The following MAP2K6 variants were observed in gnomAD, a reference collection of about 807,000 sequenced individuals.
The protein encoded by MAP2K6 is dual specificity mitogen-activated protein kinase kinase 6.
Under a neutral mutation model 53.7 loss-of-function variants are expected in MAP2K6, and 16 were observed. The ratio of observed to expected loss-of-function variants is 0.30; its 90% CI spans 0.20 to 0.45. The LOEUF (loss-of-function observed/expected upper bound fraction) is 0.45, where lower values mean the gene tolerates loss of function less well. MAP2K6 is among the 20% of genes least tolerant of loss of function. The probability of loss-of-function intolerance (pLI) is 1.00; values close to 1 mark genes in which losing one functional copy is unlikely to be tolerated. For missense variants in MAP2K6, 204 were observed against 411.9 expected, an observed-to-expected ratio of 0.50 and a Z score of 4.37; for synonymous variants, 132 against 143.1, an observed-to-expected ratio of 0.92 and a Z score of 0.55.
intron 1 of MAP2K6, among the ~76,000 whole-genome samples, chr17:69,436,913 C>A (rs990294059): frequency 6.6e-6 from 1 of 152,016 alleles, no homozygotes; most frequent in Non-Finnish European, 1.5e-5. Context: ...CAACCTCCAT[C>A]TCCCAGGTTC....
intron 1 of MAP2K6, among the ~76,000 whole-genome samples, chr17:69,475,602 C>G (rs1292658052): frequency 6.6e-6 from 1 of 152,226 alleles, no homozygotes; most frequent in African/African-American, 2.4e-5. Flanking sequence ...CTTCAGAAGT[C>G]TTATGTTGCC....
At chr17:69,500,766 G>A (rs12937795) in intron 1 of MAP2K6, among the ~76,000 whole-genome samples, 11,241 of 126,964 alleles carry the variant, frequency 0.089, 1,219 homozygotes, top group African/African-American at 0.26. Flanking sequence ...AAAAAAAAAA[G>A]AAAAAAAAAA....
rs1056700410 is a variant in MAP2K6 at position 69,431,592 on chromosome 17, G to A, written c.16+16592G>A. Among the ~76,000 whole-genome samples, 8 of 152,284 alleles carry A rather than the reference G, an allele frequency of 5.3e-5. No homozygotes were observed. In the South Asian group the frequency reaches 1.7e-3, roughly 32 times the overall value. The stretch of plus-strand genomic sequence containing the variant: ...AGTCTGCGTTAAGGAGAATTTCATG[G>A]AGTCCAGTTGCAGGAGGTATAGCTA... On this transcript the variant is annotated intron_variant, in intron 1 of 11. Transcript: ENST00000590474.
rs73363641 is a variant in MAP2K6, at chr17:69,482,315, A to G, written c.17-23465A>G. On this transcript the variant is annotated intron_variant, in intron 1 of 11. Coordinates refer to ENST00000590474, the MANE Select transcript of MAP2K6 (RefSeq NM_002758.4). The stretch of plus-strand genomic sequence containing the variant: ...GGTATGTGATTTATTATTTTTTTAA[A>G]CTTAGTTTTCTGAATAGGTACTATA... Among the ~76,000 whole-genome samples, 623 of 152,088 alleles carry G rather than the reference A, an allele frequency of 4.1e-3. 1 individual carries two copies. The highest frequency in any genetic ancestry group is 0.013 in the African/African-American group (545 of 41,534).
intron 1 of MAP2K6, among the ~76,000 whole-genome samples, chr17:69,479,240 A>G (rs1263006823): frequency 6.6e-6 from 1 of 151,904 alleles, no homozygotes; most frequent in Admixed American, 6.6e-5. Flanking sequence ...TCTTAGCCCT[A>G]GTTCATGGCC....
chr17:69,432,956 G>C (rs1465455453), intron 1 of MAP2K6: 1 of 152,206 alleles, frequency 6.6e-6, no homozygotes, highest in Non-Finnish European at 1.5e-5. Flanking sequence ...CACTGGAACA[G>C]TAAAAAGGGC....
chr17:69,474,044 T>C (rs1908060280), intron 1 of MAP2K6, among the ~76,000 whole-genome samples: 2 of 152,286 alleles, frequency 1.3e-5, no homozygotes, highest in South Asian at 4.1e-4. Context: ...AGAGTAAACA[T>C]CAGTTAATTT....
At chr17:69,506,136 T>C (rs1909458734) in intron 2 of MAP2K6, among the ~76,000 whole-genome samples, 1 of 152,212 alleles carries the variant, frequency 6.6e-6, no homozygotes, top group Non-Finnish European at 1.5e-5. Flanking sequence ...GGATGTGAAC[T>C]TCCTTGCCTT....
At chr17:69,442,781 T>G (rs1280616406) in intron 1 of MAP2K6, among the ~76,000 whole-genome samples, 1 of 152,238 alleles carries the variant, frequency 6.6e-6, no homozygotes, top group Non-Finnish European at 1.5e-5. Flanking sequence ...CTGTGTAACC[T>G]TGAATACTTG....
chr17:69,415,591 A>C (rs768970930), intron 1 of MAP2K6, among the ~76,000 whole-genome samples: 2 of 152,240 alleles, frequency 1.3e-5, no homozygotes, highest in Non-Finnish European at 2.9e-5. Context: ...AAAGCAGACG[A>C]GTCTTGCTCT....
chr17:69,450,101 ATT>A (rs55956707), intron 1 of MAP2K6, among the ~76,000 whole-genome samples: 3,644 of 124,834 alleles, frequency 0.029, 141 homozygotes, highest in African/African-American at 0.088. Context: ...CACCTGGCTA[ATT>A]TTTTTTTTTT....
chr17:69,473,058 A>G (rs1210006472), intron 1 of MAP2K6, among the ~76,000 whole-genome samples: 3 of 152,192 alleles, frequency 2.0e-5, no homozygotes, highest in Admixed American at 6.5e-5. Context: ...CAGTGTTAAT[A>G]TTAGATGTGT....
intron 2 of MAP2K6, among the ~76,000 whole-genome samples, chr17:69,512,528 G>A (rs780447340): frequency 2.6e-5 from 4 of 151,606 alleles, no homozygotes; most frequent in South Asian, 4.2e-4. Context: ...TAGTAGAGAC[G>A]GGGTTTCACT....
In MAP2K6 at chr17:69,528,473, G is replaced by T. The variant is rs532851630; in HGVS notation, c.881+1764G>T. ...ACCTGGGTTCATGATTTTGCCTTCT[G>T]GATTCAAAGACTTGTTTTTTGTGGA... On this transcript the variant is annotated intron_variant, in intron 10 of 11. Transcript: ENST00000590474. 2.6e-5 allele frequency among the ~76,000 whole-genome samples: 4 copies of T among 152,208 alleles called. No individual in the cohort carries two copies. The East Asian group carries it at 5.8e-4, about 22-fold the overall frequency.
intron 1 of MAP2K6, among the ~76,000 whole-genome samples, chr17:69,441,885 G>T (rs192715662): frequency 2.2e-4 from 34 of 152,182 alleles, no homozygotes; most frequent in Admixed American, 2.2e-3. Context: ...GATAGGTGGG[G>T]GTGCTTCAGG....
At chr17:69,518,242 G>A (rs536110748) in intron 4 of MAP2K6, among the ~76,000 whole-genome samples, 13 of 151,880 alleles carry the variant, frequency 8.6e-5, no homozygotes, top group Non-Finnish European at 1.9e-4. Flanking sequence ...CATCTAATCC[G>A]GAGTCCAAAT....
chr17:69,426,981 G>A (rs1357619895), intron 1 of MAP2K6, among the ~76,000 whole-genome samples: 1 of 152,060 alleles, frequency 6.6e-6, no homozygotes, highest in African/African-American at 2.4e-5. Context: ...TTTGGATTGT[G>A]GAAACTCCAG....
chr17:69,428,989 TG>T (rs1906365691), intron 1 of MAP2K6, among the ~76,000 whole-genome samples: 1 of 148,500 alleles, frequency 6.7e-6, no homozygotes, highest in Non-Finnish European at 1.5e-5. Flanking sequence ...AAACTGAATT[TG>T]TGTTTAGTGG....
intron 1 of MAP2K6, among the ~76,000 whole-genome samples, chr17:69,452,753 A>G (rs1471605068): frequency 6.6e-6 from 1 of 152,254 alleles, no homozygotes; most frequent in African/African-American, 2.4e-5. Context: ...GATAATTTTA[A>G]AATGGATTGT....
Sources: gnomAD v4.1 joint callset for allele counts (sites outside exome capture counted in the v4.1 genomes callset) on GRCh38, gnomAD v4.1.1 for gene constraint, MANE v1.5 for transcripts, NCBI Gene and HGNC (gene_info 2026-07-23, HGNC 2026-07-21) for gene names.